SLCO1C1: variants seen among roughly 807,000 people sequenced by gnomAD.
The protein encoded by SLCO1C1 is solute carrier organic anion transporter family member 1C1, also known as OAT-RP-5.
SLCO1C1 carries 70 observed loss-of-function variants against 76.4 expected under a neutral mutation model. The observed-to-expected ratio is 0.92, with a 90% CI of 0.76 to 1.12. The LOEUF (loss-of-function observed/expected upper bound fraction) is 1.12. SLCO1C1 is among the 50% of genes most tolerant of loss of function. The probability of loss-of-function intolerance (pLI) is 0.00; values close to 1 mark genes in which losing one functional copy is unlikely to be tolerated. For missense variants in SLCO1C1, 912 were observed against 823.8 expected, an observed-to-expected ratio of 1.11 and a Z score of -1.31; for synonymous variants, 306 against 286.1, an observed-to-expected ratio of 1.07 and a Z score of -0.70.
Position 20,721,838 on chromosome 12 carries a change from G to C in SLCO1C1, c.810G>C (p.Trp270Cys). ...CCATTACCCCAAAAGATCCCCAGTGGGTAGGAGCCTGGTGGCTTGGCTATC... is the reference window on the plus strand; with the variant it reads ...CCATTACCCCAAAAGATCCCCAGTGCGTAGGAGCCTGGTGGCTTGGCTATC... Reference protein sequence around the residue: ...HITITPKDPQWVGAWWLGYLI... With the variant: ...HITITPKDPQCVGAWWLGYLI... The change falls in exon 8 of 15, where the codon TGG (tryptophan) becomes TGC (cysteine). Residue 270 changes from tryptophan to cysteine, a missense_variant. Trp to Cys is a radical substitution (Grantham distance 215, BLOSUM62 -2). Transcript: ENST00000266509. The C allele has an allele frequency of 2.5e-6, 4 of 1,614,140 alleles. No homozygotes were observed. Among genetic ancestry groups the C allele is most frequent in the South Asian group, 1.1e-5 (1 of 91,078 alleles).
chr12:20,739,910 G>A (rs935526796), intron 11 of SLCO1C1, among the ~76,000 whole-genome samples: 1 of 152,154 alleles, frequency 6.6e-6, no homozygotes, highest in East Asian at 1.9e-4. Flanking sequence ...AAGTGGTAGC[G>A]AAGGAGGTAA....
intron 3 of SLCO1C1, among the ~76,000 whole-genome samples, chr12:20,703,748 C>T (rs977945201): frequency 2.6e-5 from 4 of 151,650 alleles, no homozygotes; most frequent in African/African-American, 9.7e-5. Flanking sequence ...CTATAATGAA[C>T]TGCGCTTGGT....
intron 6 of SLCO1C1, 42 bp from the exon 7 acceptor site, chr12:20,717,085 TAAAGA>T (rs755761898): frequency 2.0e-6 from 3 of 1,498,224 alleles, no homozygotes; most frequent in African/African-American, 1.4e-5. Context: ...TTTATCAAAG[TAAAGA>T]AATGACAGCT....
chr12:20,710,931 T>C (rs1947061001), intron 4 of SLCO1C1, among the ~76,000 whole-genome samples: 1 of 152,194 alleles, frequency 6.6e-6, no homozygotes, highest in Non-Finnish European at 1.5e-5. Flanking sequence ...TTTTTACTTT[T>C]ATTTTCTGTC....
intron 13 of SLCO1C1, among the ~76,000 whole-genome samples, chr12:20,748,816 C>G (rs111897347): frequency 6.6e-6 from 1 of 152,026 alleles, no homozygotes; most frequent in Non-Finnish European, 1.5e-5. Context: ...ATACTACACA[C>G]GTGATTTGCA....
At chr12:20,750,381 G>C (rs1470718846) in intron 13 of SLCO1C1, among the ~76,000 whole-genome samples, 1 of 152,134 alleles carries the variant, frequency 6.6e-6, no homozygotes, top group African/African-American at 2.4e-5. Flanking sequence ...TTTAATGACT[G>C]GGCTTCCACT....
At chr12:20,744,631 T>A (rs2120906557) in intron 13 of SLCO1C1, among the ~76,000 whole-genome samples, 1 of 152,240 alleles carries the variant, frequency 6.6e-6, no homozygotes, top group South Asian at 2.1e-4. Context: ...GGTTGACAAA[T>A]TACCAAATTT....
intron 3 of SLCO1C1, among the ~76,000 whole-genome samples, chr12:20,702,053 T>C (rs1389166742): frequency 1.3e-5 from 2 of 151,920 alleles, no homozygotes; most frequent in African/African-American, 4.8e-5. Context: ...TCGAGTAATT[T>C]GAGTCACTGT....
chr12:20,743,521 C>T (rs1948913596), intron 13 of SLCO1C1, 152 bp downstream of exon 13: 1 of 541,196 alleles, frequency 1.8e-6, no homozygotes, highest in Admixed American at 3.2e-5. Context: ...TTTCTTTGTT[C>T]CCTTCCTCCT....
At chr12:20,747,034 C>A (rs146442596) in intron 13 of SLCO1C1, among the ~76,000 whole-genome samples, 1 of 151,912 alleles carries the variant, frequency 6.6e-6, no homozygotes, top group African/African-American at 2.4e-5. Context: ...AATGACATAG[C>A]GGTCATGTTT....
At position 20,715,281 on chromosome 12, in the gene SLCO1C1, T is replaced by C; in HGVS notation, c.672T>C (p.Tyr224=). The C allele has an allele frequency of 6.2e-7, 1 of 1,613,548 alleles. No homozygotes were observed. The highest frequency in any genetic ancestry group is 8.5e-7 in the Non-Finnish European group (1 of 1,179,816). ...CCAGTGAAGACAATGCAGCTTTCTATATTGGTAATATTGGCATATTGCTTC... is the reference window on the plus strand; with the variant it reads ...CCAGTGAAGACAATGCAGCTTTCTACATTGGTAATATTGGCATATTGCTTC... ...DFASEDNAAF[Y]IGCVQTVAII... is the part of the protein sequence containing the mutation. The change falls in exon 6 of 15, where the codon TAT becomes TAC. Residue 224 remains tyrosine, a synonymous_variant. Coordinates refer to ENST00000266509, the MANE Select transcript of SLCO1C1 (RefSeq NM_017435.5).
Position 20,725,215 on chromosome 12 carries a change from ATTATAG to A in SLCO1C1, c.1186+1965_1186+1970del, listed in dbSNP as rs1242702109. Among the ~76,000 whole-genome samples the A allele has an allele frequency of 3.6e-5, 5 of 137,130 alleles. 1 individual carries two copies. The highest frequency in any genetic ancestry group is 1.3e-4 in the African/African-American group (5 of 37,684). The allele number at this position is 137,130 out of a possible 152,430, so 90.0% of individuals were successfully genotyped here. A position where few individuals can be genotyped will look rare whatever the true frequency, so the allele number is the denominator to read the frequency against. Reference sequence around the variant, plus strand: ...ATTATTTATAATAGTATTTTAAATAATTATAGTTAAAGAAAGAAAAAATACAAATAA... The same window carrying A: ...ATTATTTATAATAGTATTTTAAATAATTAAAGAAAGAAAAAATACAAATAA... On this transcript the variant is annotated intron_variant, in intron 9 of 14. Transcript: ENST00000266509.
At position 20,699,609 on chromosome 12, in the gene SLCO1C1, G is replaced by T. The variant is rs1315606808; in HGVS notation, c.33G>T (p.Leu11Phe). ...CTTCATCCAAAGAAAATATCCAGTT[G>T]TTCTGCAAAACTTCAGTGCAACCTG... MDTSSKENIQ[L>F]FCKTSVQPVG... Residue 11 changes from leucine to phenylalanine, a missense_variant, in exon 2 of 15, where the codon TTG becomes TTT. By Grantham distance (22) the Leu-to-Phe change is conservative. Coordinates refer to ENST00000266509, the MANE Select transcript of SLCO1C1 (RefSeq NM_017435.5). 2.7e-5 allele frequency: 43 copies of T among 1,612,132 alleles called. No individual in the cohort carries two copies. Among genetic ancestry groups the T allele is most frequent in the Non-Finnish European group, 3.6e-5 (43 of 1,178,974 alleles).
intron 8 of SLCO1C1, 21 bp downstream of exon 8, chr12:20,722,070 T>G: frequency 6.2e-7 from 1 of 1,603,990 alleles, no homozygotes; most frequent in Non-Finnish European, 8.5e-7. Context: ...TTCTTGATTT[T>G]GAAGTATTTT....
At chr12:20,725,646 A>C (rs1365189637) in intron 9 of SLCO1C1, among the ~76,000 whole-genome samples, 1 of 148,444 alleles carries the variant, frequency 6.7e-6, no homozygotes, top group Non-Finnish European at 1.5e-5. Context: ...TAATATAATA[A>C]TATATATTAT....
intron 11 of SLCO1C1, among the ~76,000 whole-genome samples, chr12:20,737,816 G>A (rs1390576547): frequency 6.6e-6 from 1 of 152,094 alleles, no homozygotes; most frequent in African/African-American, 2.4e-5. Context: ...GTTTCCATAG[G>A]GCAGAAGAGG....
rs1177583869 is a variant in SLCO1C1 at position 20,699,827 on chromosome 12, C to G, written c.129+122C>G. ...TAAAAAAAAAAAAAGATCTTAGATG[C>G]AATTTACTAAAACCACACCTTGCCA... is the stretch of plus-strand genomic sequence containing the variant. On this transcript the variant is annotated intron_variant, in intron 2 of 14. Coordinates refer to ENST00000266509, the MANE Select transcript of SLCO1C1 (RefSeq NM_017435.5). 9 of 1,173,544 alleles carry G rather than the reference C, an allele frequency of 7.7e-6. No homozygotes were observed. In the South Asian group the frequency reaches 1.3e-4, roughly 16 times the overall value. The allele number at this position is 1,173,544 out of a possible 1,614,324, so 72.7% of individuals were successfully genotyped here. A position where few individuals can be genotyped will look rare whatever the true frequency, so the allele number is the denominator to read the frequency against.
At chr12:20,706,135 C>T (rs1946763047) in intron 4 of SLCO1C1, 54 bp downstream of exon 4, 1 of 1,516,902 alleles carries the variant, frequency 6.6e-7, no homozygotes. Context: ...TGCATTTCTC[C>T]CTTTTATGAT....
At chr12:20,737,750 T>G (rs531248151) in intron 11 of SLCO1C1, among the ~76,000 whole-genome samples, 2 of 152,162 alleles carry the variant, frequency 1.3e-5, no homozygotes, top group African/African-American at 4.8e-5. Context: ...AGGACAACTT[T>G]GGAAAATCAA....
Sources: gnomAD v4.1 joint callset for allele counts (sites outside exome capture counted in the v4.1 genomes callset) on GRCh38, gnomAD v4.1.1 for gene constraint, MANE v1.5 for transcripts, NCBI Gene and HGNC (gene_info 2026-07-23, HGNC 2026-07-21) for gene names.